Variants in IL7 observed in about 807,000 individuals in gnomAD.
IL7 encodes interleukin-7.
A neutral mutation model predicts 21.6 loss-of-function variants in IL7; 3 were observed. The observed-to-expected ratio is 0.14, with a 90% confidence interval of 0.06 to 0.36. IL7 has a LOEUF of 0.36. Among genes scored for constraint, IL7 ranks in the 10% least tolerant of loss-of-function variants. The pLI, the probability that IL7 is intolerant of heterozygous loss-of-function variation, is 1.00. For missense variants in IL7, 175 were observed against 200.2 expected, an observed-to-expected ratio of 0.87 and a Z score of 0.76; for synonymous variants, 62 against 68.1, an observed-to-expected ratio of 0.91 and a Z score of 0.44.
intron 1 of IL7, among the ~76,000 whole-genome samples, chr8:78,802,294 C>A (rs2130854204): frequency 6.6e-6 from 1 of 152,292 alleles, no homozygotes; most frequent in East Asian, 1.9e-4. Flanking sequence ...ATTGCATAGA[C>A]CTATTTTCAC....
intron 1 of IL7, among the ~76,000 whole-genome samples, chr8:78,799,786 T>C (rs898197182): frequency 1.3e-5 from 2 of 152,188 alleles, no homozygotes; most frequent in African/African-American, 2.4e-5. Context: ...ATGGCCATAA[T>C]CTATTGATAA....
At chr8:78,720,244 T>C (rs75817396) in intron 5 of IL7, among the ~76,000 whole-genome samples, 3,978 of 151,866 alleles carry the variant, frequency 0.026, 91 homozygotes, top group South Asian at 0.058. Context: ...GAAAAAATAT[T>C]AGAAAACACA....
rs1242861224 is a variant in IL7 at position 78,687,569 on chromosome 8, T to C, written n.215-1622A>G. 4.2e-5 allele frequency among the ~76,000 whole-genome samples: 6 copies of C among 142,636 alleles called. No homozygotes were observed. In the East Asian group the frequency reaches 1.2e-3, roughly 28 times the overall value. The allele number at this position is 142,636 out of a possible 152,430, so 93.6% of individuals were successfully genotyped here. A position where few individuals can be genotyped will look rare whatever the true frequency, so the allele number is the denominator to read the frequency against. The stretch of plus-strand genomic sequence containing the variant: ...TAAATTTTATATTTACATAATAAAT[T>C]ATATATATTTACGTAATAAATTATA... On this transcript the variant is annotated intron_variant and non_coding_transcript_variant, in intron 3 of 4. Coordinates refer to the IL7 transcript ENST00000523959.
intron 4 of IL7, chr8:78,678,894 A>G (rs538776813): frequency 6.8e-6 from 2 of 294,226 alleles, no homozygotes; most frequent in Non-Finnish European, 1.2e-5. Context: ...TAAACTTCAA[A>G]GAAGAGACCA....
At chr8:78,687,842 T>C in intron 3 of IL7, among the ~76,000 whole-genome samples, 1 of 106,944 alleles carries the variant, frequency 9.4e-6, no homozygotes, top group South Asian at 3.6e-4. Flanking sequence ...ATAAATTATA[T>C]ATATATTTAT....
chr8:78,692,271 T>C (rs1236274520), intron 3 of IL7, among the ~76,000 whole-genome samples: 1 of 152,182 alleles, frequency 6.6e-6, no homozygotes, highest in Non-Finnish European at 1.5e-5. Context: ...AGATTCTACA[T>C]GTAAGTGAGT....
intron 2 of IL7, among the ~76,000 whole-genome samples, chr8:78,768,079 G>A (rs368442349): frequency 5.9e-5 from 9 of 152,046 alleles, no homozygotes; most frequent in East Asian, 5.8e-4. Flanking sequence ...TTTCATCCAC[G>A]TCCCTACAAA....
At chr8:78,775,803 A>AT (rs1256772087) in intron 2 of IL7, among the ~76,000 whole-genome samples, 2 of 152,096 alleles carry the variant, frequency 1.3e-5, no homozygotes, top group Non-Finnish European at 2.9e-5. Context: ...GGGGGCGCTT[A>AT]GAAGTAAGCG....
chr8:78,746,793 C>G, intron 2 of IL7: 1 of 334,944 alleles, frequency 3.0e-6, no homozygotes, highest in South Asian at 2.4e-5. Context: ...GTAGCAAAAA[C>G]TGACTGATAG....
chr8:78,703,560 T>G (rs1020382584), intron 3 of IL7, among the ~76,000 whole-genome samples: 3 of 151,788 alleles, frequency 2.0e-5, no homozygotes, highest in African/African-American at 4.8e-5. Flanking sequence ...TTTAAATCTT[T>G]GTTGGTTTAA....
chr8:78,770,108 T>C (rs1382126429), intron 2 of IL7, among the ~76,000 whole-genome samples: 2 of 152,328 alleles, frequency 1.3e-5, no homozygotes, highest in East Asian at 3.9e-4. Flanking sequence ...GCTTTACCAT[T>C]CAGGACATAG....
At chr8:78,733,898 A>T in intron 5 of IL7, 66 bp from the exon 6 acceptor site, 1 of 1,071,722 alleles carries the variant, frequency 9.3e-7, no homozygotes, top group Non-Finnish European at 1.3e-6. Context: ...TTAAAATACT[A>T]TTTTTCATCA....
chr8:78,791,685 T>G (rs1813699054), intron 2 of IL7, among the ~76,000 whole-genome samples: 1 of 152,068 alleles, frequency 6.6e-6, no homozygotes, highest in Admixed American at 6.6e-5. Flanking sequence ...CATGTGCTCT[T>G]ACCAAATGAT....
In IL7 at chr8:78,700,554, G is replaced by A. The variant is rs146528605; in HGVS notation, n.215-14607C>T. On this transcript the variant is annotated intron_variant and non_coding_transcript_variant, in intron 3 of 4. Transcript: ENST00000523959. ...TTGTGTTTTTGTTGCAATTGCTTTTGGCATCTTCATTATAAAATCTTTGCT... is the reference window on the plus strand; with the variant it reads ...TTGTGTTTTTGTTGCAATTGCTTTTAGCATCTTCATTATAAAATCTTTGCT... Among the ~76,000 whole-genome samples the A allele has an allele frequency of 5.7e-3, 860 of 152,076 alleles. 8 individuals carry two copies. Among genetic ancestry groups the A allele is most frequent in the African/African-American group, 0.019 (808 of 41,486 alleles).
chr8:78,754,482 T>C (rs1268643673), intron 2 of IL7, among the ~76,000 whole-genome samples: 1 of 152,092 alleles, frequency 6.6e-6, no homozygotes, highest in East Asian at 1.9e-4. Flanking sequence ...ATTTATAGAT[T>C]CAATGCTATT....
Position 78,733,706 on chromosome 8 carries a change from A to T in IL7, c.*7T>A. The T allele has an allele frequency of 6.3e-7, 1 of 1,597,366 alleles. No individual in the cohort carries two copies. On this transcript the variant is annotated 3_prime_UTR_variant, in exon 6 of 6. Coordinates refer to ENST00000263851, the MANE Select transcript of IL7 (RefSeq NM_000880.4). ...GTTCGTGTTTCTATATTGCCACTCC[A>T]TATTTTTCAGTGTTCTTTAGTGCCC... is the stretch of plus-strand genomic sequence containing the variant.
chr8:78,790,783 T>C (rs1813661902), intron 2 of IL7, among the ~76,000 whole-genome samples: 1 of 151,968 alleles, frequency 6.6e-6, no homozygotes, highest in South Asian at 2.1e-4. Context: ...CTGAAAACTA[T>C]AAAATATTGT....
chr8:78,768,902 TC>T (rs1812853089), intron 2 of IL7, among the ~76,000 whole-genome samples: 2 of 152,124 alleles, frequency 1.3e-5, no homozygotes, highest in Non-Finnish European at 2.9e-5. Flanking sequence ...ATAAATGTAA[TC>T]CAGCATATAA....
chr8:78,794,930 A>G (rs1276438295), intron 2 of IL7, among the ~76,000 whole-genome samples: 3 of 152,124 alleles, frequency 2.0e-5, no homozygotes, highest in Admixed American at 6.6e-5. Context: ...TGGGTTTTTC[A>G]TAGTAACTTG....
Sources: gnomAD v4.1 joint callset for allele counts (sites outside exome capture counted in the v4.1 genomes callset) on GRCh38, gnomAD v4.1.1 for gene constraint, MANE v1.5 for transcripts, NCBI Gene and HGNC (gene_info 2026-07-23, HGNC 2026-07-21) for gene names.